The following PARD3 variants were observed in gnomAD, a reference collection of about 807,000 sequenced individuals.
PARD3 encodes the protein par-3 family cell polarity regulator.
A neutral mutation model predicts 155.4 loss-of-function variants in PARD3; 75 were observed. The observed-to-expected ratio is 0.48, with a 90% confidence interval of 0.40 to 0.58. PARD3 has a LOEUF of 0.58. PARD3 is among the 20% of genes least tolerant of loss of function. PARD3 has a pLI of 0.00. For missense variants in PARD3, 1,642 were observed against 1,721.7 expected, an observed-to-expected ratio of 0.95 and a Z score of 0.82; for synonymous variants, 576 against 610.5, an observed-to-expected ratio of 0.94 and a Z score of 0.83.
intron 2 of PARD3, among the ~76,000 whole-genome samples, chr10:34,665,891 AGAACAGAACAGAACAAAAAG>A (rs1019992842): frequency 2.0e-5 from 3 of 150,068 alleles, no homozygotes; most frequent in African/African-American, 7.5e-5. Context: ...AGAACAGAAC[AGAACAGAACAGAACAAAAAG>A]AAAAGAAAAG....
At chr10:34,763,639 T>A (rs1349090182) in intron 1 of PARD3, among the ~76,000 whole-genome samples, 1 of 152,144 alleles carries the variant, frequency 6.6e-6, no homozygotes, top group East Asian at 1.9e-4. Context: ...CAAAGCAATC[T>A]TCATCTCATT....
chr10:34,325,949 C>T (rs889029994), intron 19 of PARD3, among the ~76,000 whole-genome samples: 3 of 151,800 alleles, frequency 2.0e-5, no homozygotes, highest in African/African-American at 7.3e-5. Context: ...GGTGAAACCC[C>T]GTCTCTACTA....
intron 22 of PARD3, among the ~76,000 whole-genome samples, chr10:34,264,568 G>A (rs1363310112): frequency 6.6e-6 from 1 of 152,046 alleles, no homozygotes; most frequent in African/African-American, 2.4e-5. Context: ...AGGGAAAATG[G>A]TAAAGGACAA....
chr10:34,474,506 T>A lies in PARD3; in HGVS notation c.404-4243A>T, dbSNP rs117374615. On this transcript the variant is annotated intron_variant, in intron 3 of 24. Coordinates refer to ENST00000374788, the MANE Select transcript of PARD3 (RefSeq NM_001184785.2). ...TTTTTATGGAGTTTTCACACACACA[T>A]ACACACGCGTGCACAAAGTTTAGTA... Among the ~76,000 whole-genome samples, 80 of 152,306 alleles carry A rather than the reference T, an allele frequency of 5.3e-4. No individual in the cohort carries two copies. The East Asian group carries it at 8.9e-3, about 17-fold the overall frequency.
intron 22 of PARD3, among the ~76,000 whole-genome samples, chr10:34,236,510 T>C (rs574186181): frequency 6.6e-6 from 1 of 152,354 alleles, no homozygotes; most frequent in East Asian, 1.9e-4. Flanking sequence ...GCTTTAATTA[T>C]AAAAATATTC....
chr10:34,391,181 A>G lies in PARD3; in HGVS notation c.891-6927T>C, dbSNP rs7905433. 8.8e-3 allele frequency among the ~76,000 whole-genome samples: 1,337 copies of G among 152,210 alleles called. 23 individuals carry two copies. The highest frequency in any genetic ancestry group is 0.03 in the African/African-American group (1,248 of 41,534). On this transcript the variant is annotated intron_variant, in intron 7 of 24. Coordinates refer to ENST00000374788, the MANE Select transcript of PARD3 (RefSeq NM_001184785.2). ...CAAACCCACCCTTTGCTGACCTTCT[A>G]TAACCTCATTTTTTTTTTAGTTTTT...
intron 3 of PARD3, among the ~76,000 whole-genome samples, chr10:34,475,259 A>G (rs1447506147): frequency 1.3e-5 from 2 of 152,234 alleles, no homozygotes; most frequent in Admixed American, 6.5e-5. Context: ...TGTATTTTAT[A>G]AAACAAAGCA....
At chr10:34,194,573 C>T (rs1330735900) in intron 22 of PARD3, among the ~76,000 whole-genome samples, 1 of 149,878 alleles carries the variant, frequency 6.7e-6, no homozygotes, top group Non-Finnish European at 1.5e-5. Flanking sequence ...CGTAAAATAA[C>T]TCAAGACATC....
intron 23 of PARD3, among the ~76,000 whole-genome samples, chr10:34,121,065 G>GAAAA (rs34639631): frequency 1.8e-3 from 219 of 124,918 alleles, no homozygotes; most frequent in African/African-American, 5.9e-3. Context: ...CTCAAAAAAA[G>GAAAA]AAAAAAAAAA....
At chr10:34,294,793 G>A (rs1956831329) in intron 20 of PARD3, among the ~76,000 whole-genome samples, 1 of 152,072 alleles carries the variant, frequency 6.6e-6, no homozygotes, top group African/African-American at 2.4e-5. Context: ...AAGTCAAGAG[G>A]CAAACACCCG....
chr10:34,528,729 G>A (rs2082638644), intron 2 of PARD3, among the ~76,000 whole-genome samples: 1 of 152,156 alleles, frequency 6.6e-6, no homozygotes, highest in Non-Finnish European at 1.5e-5. Flanking sequence ...CCTGAAAACT[G>A]CGGGGTGTCA....
intron 2 of PARD3, among the ~76,000 whole-genome samples, chr10:34,544,964 T>G (rs79431054): frequency 0.015 from 2,355 of 152,270 alleles, 67 homozygotes; most frequent in African/African-American, 0.053. Context: ...CACTTTCTGC[T>G]CTCATAGTAC....
intron 6 of PARD3, among the ~76,000 whole-genome samples, chr10:34,400,951 C>G (rs1843815477): frequency 6.6e-6 from 1 of 152,062 alleles, no homozygotes; most frequent in South Asian, 2.1e-4. Flanking sequence ...TTTTATCCCA[C>G]AGTCTAAACA....
intron 2 of PARD3, among the ~76,000 whole-genome samples, chr10:34,682,144 T>A (rs1040055066): frequency 1.3e-5 from 2 of 152,126 alleles, no homozygotes; most frequent in African/African-American, 4.8e-5. Flanking sequence ...CAAGTGCTGA[T>A]AACAAAATGC....
At chr10:34,621,599 A>C (rs1203770539) in intron 2 of PARD3, among the ~76,000 whole-genome samples, 1 of 152,232 alleles carries the variant, frequency 6.6e-6, no homozygotes, top group Non-Finnish European at 1.5e-5. Context: ...CCCACAGTTT[A>C]CTGCACAAAC....
intron 3 of PARD3, among the ~76,000 whole-genome samples, chr10:34,495,125 T>C (rs1160334601): frequency 1.3e-5 from 2 of 151,790 alleles, no homozygotes; most frequent in Non-Finnish European, 2.9e-5. Flanking sequence ...TTAAACTCAT[T>C]GAGATACCAT....
rs1018837315 is a variant in PARD3 at position 34,803,164 on chromosome 10, A to T, written c.120+11712T>A. Among the ~76,000 whole-genome samples, 17 of 151,604 alleles carry T rather than the reference A, an allele frequency of 1.1e-4. 1 individual carries two copies. Among genetic ancestry groups the T allele is most frequent in the Admixed American group, 9.2e-4 (14 of 15,202 alleles). ...TGAGGTGAGAGAATCAGTTGAACCCAGGAGACGGACGTTGCAGTGAGCCGA... is the reference window on the plus strand; with the variant it reads ...TGAGGTGAGAGAATCAGTTGAACCCTGGAGACGGACGTTGCAGTGAGCCGA... On this transcript the variant is annotated intron_variant, in intron 1 of 24. Coordinates refer to ENST00000374788, the MANE Select transcript of PARD3 (RefSeq NM_001184785.2).
intron 3 of PARD3, among the ~76,000 whole-genome samples, chr10:34,490,568 C>T (rs2079828631): frequency 6.6e-6 from 1 of 152,224 alleles, no homozygotes. Context: ...GCTGGGATTA[C>T]AGGCATGAGC....
rs544313680 is a variant in PARD3, at chr10:34,152,923, G to A, written c.3420-21340C>T. On this transcript the variant is annotated intron_variant, in intron 22 of 24. Transcript: ENST00000374788. Reference sequence around the variant, plus strand: ...TGTGATTATCAGGACCAACCTCTTCGCTTTACTGATGAGGAAACTGAGGCC... The same window carrying A: ...TGTGATTATCAGGACCAACCTCTTCACTTTACTGATGAGGAAACTGAGGCC... 2.0e-5 allele frequency among the ~76,000 whole-genome samples: 3 copies of A among 152,228 alleles called. No individual in the cohort carries two copies. The East Asian group carries it at 5.8e-4, about 29-fold the overall frequency.
Sources: allele counts gnomAD v4.1 joint callset (sites outside exome capture counted in the v4.1 genomes callset), GRCh38; gene constraint gnomAD v4.1.1; transcripts MANE v1.5; gene names NCBI Gene and HGNC (gene_info 2026-07-23, HGNC 2026-07-21).